The following BBS2 variants were observed in gnomAD, a reference collection of about 807,000 sequenced individuals.
BBS2 encodes Bardet-Biedl syndrome 2.
In BBS2, 62 loss-of-function variants were observed where a neutral mutation model predicts 83.0. The ratio of observed to expected loss-of-function variants is 0.75; its 90% confidence interval spans 0.61 to 0.92. The LOEUF (loss-of-function observed/expected upper bound fraction) is 0.92, where lower values mean the gene tolerates loss of function less well. Among genes scored for constraint, BBS2 ranks in the 40% least tolerant of loss-of-function variants. BBS2 has a pLI of 0.00. For synonymous variants in BBS2, 303 were observed against 326.1 expected, an observed-to-expected ratio of 0.93 and a Z score of 0.76; for missense variants, 784 against 901.0, an observed-to-expected ratio of 0.87 and a Z score of 1.66.
intron 14 of BBS2, chr16:56,497,308 C>T (rs1186718049): frequency 5.2e-6 from 3 of 575,342 alleles, no homozygotes; most frequent in Non-Finnish European, 9.3e-6. Context: ...TGCTTTAGCA[C>T]CAGGAGCCCC....
At chr16:56,509,926 G>T in intron 5 of BBS2, 31 bp downstream of exon 5, 1 of 1,608,634 alleles carries the variant, frequency 6.2e-7, no homozygotes, top group Non-Finnish European at 8.5e-7. Context: ...TCTTGCTCAA[G>T]GTTACCATAG....
At position 56,510,848 on chromosome 16, in the gene BBS2, C is replaced by A; in HGVS notation, c.534+11G>T. 3 of 1,613,526 alleles carry A rather than the reference C, an allele frequency of 1.9e-6. No individual in the cohort carries two copies. Among genetic ancestry groups the A allele is most frequent in the Non-Finnish European group, 8.5e-7 (1 of 1,179,478 alleles). On this transcript the variant is annotated intron_variant, in intron 4 of 16. Transcript: ENST00000245157. ...TGAACACACAAGAGAGATATCTCCTCCCCCACATACCTCTTTCTTTCCATC... is the reference window on the plus strand; with the variant it reads ...TGAACACACAAGAGAGATATCTCCTACCCCACATACCTCTTTCTTTCCATC...
rs1297888652 is a variant in BBS2, at chr16:56,498,452, T to G, written c.1644A>C (p.Ile548=). ...TAAACATTACCTCTCCACTAAGTTT[T>G]ATTTTTATATGCAGGTGGCCGCCAT... ...LRNGGHLHIK[I]KLSGEITINT... is the part of the protein sequence containing the mutation. Residue 548 remains isoleucine (I), a synonymous_variant, in exon 13 of 17, where the codon ATA becomes ATC. Coordinates refer to ENST00000245157, the MANE Select transcript of BBS2 (RefSeq NM_031885.5). 1.2e-6 allele frequency: 2 copies of G among 1,613,934 alleles called. No homozygotes were observed. Among genetic ancestry groups the G allele is most frequent in the African/African-American group, 2.7e-5 (2 of 74,908 alleles).
At chr16:56,471,365 G>GAAAAAAAAA (rs755598469) in intron 17 of BBS2, among the ~76,000 whole-genome samples, 2 of 92,568 alleles carry the variant, frequency 2.2e-5, no homozygotes, top group South Asian at 3.3e-4. Context: ...ACATCTCAAA[G>GAAAAAAAAA]AAAAAAAAAA....
In BBS2 at chr16:56,498,527, G is replaced by A; in HGVS notation, c.1569C>T (p.Asp523=). ...GAAATGGAGCATTCTGAATGTGAGT[G>A]TCTTCTGGTAACAGAAAGTTCTGAC... ...WLGQNFLLPE[D]THIQNAPFQV... Residue 523 remains aspartate (D), a synonymous_variant, in exon 13 of 17, where the codon GAC becomes GAT. Transcript: ENST00000245157. 1 of 1,614,034 alleles carries A rather than the reference G, an allele frequency of 6.2e-7. No homozygotes were observed. Among genetic ancestry groups the A allele is most frequent in the South Asian group, 1.1e-5 (1 of 91,076 alleles).
chr16:56,474,790 T>C, intron 17 of BBS2: 1 of 1,575,864 alleles, frequency 6.3e-7, no homozygotes, highest in Non-Finnish European at 8.6e-7. Context: ...CTATCAAGGT[T>C]ATTTTTTAAA....
chr16:56,495,442 A>G (rs1317542576), intron 15 of BBS2, among the ~76,000 whole-genome samples: 3 of 152,208 alleles, frequency 2.0e-5, no homozygotes, highest in Non-Finnish European at 4.4e-5. Flanking sequence ...CTTTCTATAC[A>G]GGGGACAGAA....
In BBS2 at chr16:56,501,508, C is replaced by G; in HGVS notation, c.1081-11G>C. 4 of 1,614,142 alleles carry G rather than the reference C, an allele frequency of 2.5e-6. No individual in the cohort carries two copies. Among genetic ancestry groups the G allele is most frequent in the Non-Finnish European group, 3.4e-6 (4 of 1,180,000 alleles). ...ACTGGCCAATTCAGCCTGCAAAACA[C>G]CCCACCCATTTCCTACTCAGTCACC... On this transcript the variant is annotated splice_polypyrimidine_tract_variant and intron_variant, in intron 9 of 16. Transcript: ENST00000245157.
intron 2 of BBS2, 58 bp from the exon 3 acceptor site, chr16:56,511,342 T>A: frequency 6.2e-7 from 1 of 1,607,426 alleles, no homozygotes; most frequent in Non-Finnish European, 8.5e-7. Flanking sequence ...GCCCACATAT[T>A]AATTGGGCCA....
chr16:56,512,464 T>G (rs551778180), intron 2 of BBS2, among the ~76,000 whole-genome samples: 3 of 152,220 alleles, frequency 2.0e-5, no homozygotes, highest in Non-Finnish European at 4.4e-5. Flanking sequence ...CAGCCACTTG[T>G]CTATCACCAA....
In BBS2 at chr16:56,519,994, A is replaced by G. The variant is rs1193005310; in HGVS notation, c.-132T>C. 10 of 785,326 alleles carry G rather than the reference A, an allele frequency of 1.3e-5. No homozygotes were observed. The highest frequency in any genetic ancestry group is 1.2e-4 in the African/African-American group (7 of 58,406). 48.6% of individuals were successfully genotyped at this position (785,326 alleles called of 1,614,324 possible). A position where few individuals can be genotyped will look rare whatever the true frequency, so the allele number is the denominator to read the frequency against. On this transcript the variant is annotated 5_prime_UTR_variant, in exon 1 of 17. Coordinates refer to ENST00000245157, the MANE Select transcript of BBS2 (RefSeq NM_031885.5). ...AGCCGCCTCAGGCCGGACGCGAAACAGCCCGGGACGAACCCGTCCAGGTAC... is the reference window on the plus strand; with the variant it reads ...AGCCGCCTCAGGCCGGACGCGAAACGGCCCGGGACGAACCCGTCCAGGTAC...
chr16:56,478,223 A>T (rs1341078323), intron 17 of BBS2: 2 of 152,074 alleles, frequency 1.3e-5, no homozygotes, highest in Non-Finnish European at 2.9e-5. Flanking sequence ...CAGTGGCATG[A>T]TATCGGCTCA....
chr16:56,481,311 C>T (rs1205998959), downstream of BBS2, among the ~76,000 whole-genome samples: 2 of 151,846 alleles, frequency 1.3e-5, no homozygotes, highest in Non-Finnish European at 2.9e-5. Context: ...AGCACTGGGG[C>T]GAGGGTGACG....
chr16:56,519,047 A>T (rs1964835721), intron 1 of BBS2, among the ~76,000 whole-genome samples: 1 of 152,058 alleles, frequency 6.6e-6, no homozygotes, highest in Admixed American at 6.6e-5. Flanking sequence ...AGGACTGTGA[A>T]AGGCTGGGTG....
rs750848830 is a variant in BBS2 at position 56,497,096 on chromosome 16, C to T, written c.1798-17G>A. 1 of 1,547,646 alleles carries T rather than the reference C, an allele frequency of 6.5e-7. No individual in the cohort carries two copies. The highest frequency in any genetic ancestry group is 1.1e-5 in the South Asian group (1 of 89,760). On this transcript the variant is annotated splice_polypyrimidine_tract_variant and intron_variant, in intron 14 of 16. Coordinates refer to ENST00000245157, the MANE Select transcript of BBS2 (RefSeq NM_031885.5). ...TTCATCCACCTGGAGACCATGAACA[C>T]TCAGGAATGAAAAAGGCCTCACAAA...
At chr16:56,491,118 C>T (rs1597006840) in intron 15 of BBS2, among the ~76,000 whole-genome samples, 2 of 152,044 alleles carry the variant, frequency 1.3e-5, no homozygotes, top group Admixed American at 1.3e-4. Flanking sequence ...TGACAAACTC[C>T]GGAAAACATA....
chr16:56,500,048 T>C, intron 11 of BBS2, 141 bp from the exon 12 acceptor site: 1 of 970,384 alleles, frequency 1.0e-6, no homozygotes, highest in Admixed American at 1.9e-5. Context: ...CCAAAACACT[T>C]GAGGGTTAAA....
intron 17 of BBS2, chr16:56,478,399 G>A (rs1465541405): frequency 6.6e-6 from 1 of 152,184 alleles, no homozygotes; most frequent in African/African-American, 2.4e-5. Context: ...TTTAACCACA[G>A]TGTAGCAACA....
chr16:56,497,294 C>T, intron 14 of BBS2: 1 of 593,394 alleles, frequency 1.7e-6, no homozygotes, highest in Non-Finnish European at 3.0e-6. Context: ...GTGAATCTTC[C>T]CCATGCTTTA....
Sources: allele counts gnomAD v4.1 joint callset (sites outside exome capture counted in the v4.1 genomes callset), GRCh38; gene constraint gnomAD v4.1.1; transcripts MANE v1.5; gene names NCBI Gene and HGNC (gene_info 2026-07-23, HGNC 2026-07-21).